Variants in ZNF654 observed in about 807,000 individuals in gnomAD.
The protein encoded by ZNF654 is melanoma-associated antigen.
Under a neutral mutation model 95.3 loss-of-function variants are expected in ZNF654, and 19 were observed. That is an observed-to-expected ratio of 0.20 (90% CI 0.14 to 0.29). The LOEUF is 0.29. ZNF654 is among the 10% of genes least tolerant of loss of function. The pLI, the probability that ZNF654 is intolerant of heterozygous loss-of-function variation, is 1.00. For synonymous variants in ZNF654, 413 were observed against 457.9 expected (o/e 0.90, Z 1.25); for missense variants, 1,046 against 1,341.0 (o/e 0.78, Z 3.44).
intron 3 of ZNF654, 40 bp from the exon 4 acceptor site, chr3:88,126,094 C>T: frequency 1.4e-6 from 2 of 1,421,762 alleles, no homozygotes; most frequent in Non-Finnish European, 9.2e-7. Context: ...GTTTTTAACC[C>T]CTTTAAATTC....
In ZNF654 at chr3:88,141,661, G is replaced by A; in HGVS notation, c.*9G>A. ...GTTTTACAGGTGCCTGATGAAAACG[G>A]TTCAGAAAGATCTGTCAATCAAGCA... is the stretch of plus-strand genomic sequence containing the variant. On this transcript the variant is annotated 3_prime_UTR_variant, in exon 9 of 9. Transcript: ENST00000636215. 3 of 1,503,004 alleles carry A rather than the reference G, an allele frequency of 2.0e-6. No individual in the cohort carries two copies. The highest frequency in any genetic ancestry group is 1.4e-5 in the African/African-American group (1 of 72,960). 93.1% of individuals were successfully genotyped at this position (1,503,004 alleles called of 1,614,324 possible). A position where few individuals can be genotyped will look rare whatever the true frequency, so the allele number is the denominator to read the frequency against.
Position 88,106,709 on chromosome 3 carries a change from A to G in ZNF654, c.333-6406A>G, listed in dbSNP as rs184646793. ...TGTTTAATGCTTTTTTAAGCTGTGT[A>G]GATTTTTAAAATGTAATTAAAATAT... On this transcript the variant is annotated intron_variant, in intron 2 of 8. Coordinates refer to ENST00000636215, the MANE Select transcript of ZNF654 (RefSeq NM_001350134.2). 3.0e-3 allele frequency among the ~76,000 whole-genome samples: 460 copies of G among 152,218 alleles called. 3 individuals are homozygous for G. The highest frequency in any genetic ancestry group is 9.9e-3 in the African/African-American group (410 of 41,532).
intron 1 of ZNF654, among the ~76,000 whole-genome samples, chr3:88,069,454 C>T (rs1707385283): frequency 6.6e-6 from 1 of 152,074 alleles, no homozygotes; most frequent in East Asian, 1.9e-4. Context: ...AACTCTTAGT[C>T]CACCCCCCAA....
chr3:88,070,857 A>G (rs1559689744), intron 1 of ZNF654, among the ~76,000 whole-genome samples: 1 of 152,212 alleles, frequency 6.6e-6, no homozygotes, highest in South Asian at 2.1e-4. Context: ...TAAGACACAC[A>G]GCTAGAAAAG....
chr3:88,061,869 A>G (rs370521135), intron 1 of ZNF654, among the ~76,000 whole-genome samples: 2 of 152,202 alleles, frequency 1.3e-5, no homozygotes, highest in Non-Finnish European at 2.9e-5. Flanking sequence ...GGTATGTGAC[A>G]GTTAACTAAG....
At position 88,140,826 on chromosome 3, in the gene ZNF654, C is replaced by T. The variant is rs1707082530; in HGVS notation, c.3157C>T (p.Pro1053Ser). The T allele has an allele frequency of 6.2e-7, 1 of 1,613,558 alleles. No individual in the cohort carries two copies. Among genetic ancestry groups the T allele is most frequent in the African/African-American group, 1.3e-5 (1 of 74,878 alleles). ...LTKPYVRPLP[P>S]SYLDERYLSM... ...AAAACCATACGTCAGACCATTGCCTCCCAGTTACCTTGATGAACGGTATCT... is the reference window on the plus strand; with the variant it reads ...AAAACCATACGTCAGACCATTGCCTTCCAGTTACCTTGATGAACGGTATCT... Residue 1053 changes from proline (P) to serine (S), a missense_variant, in exon 8 of 9, where the codon CCC becomes TCC. Coordinates refer to ENST00000636215, the MANE Select transcript of ZNF654 (RefSeq NM_001350134.2).
intron 1 of ZNF654, among the ~76,000 whole-genome samples, chr3:88,069,408 T>G (rs1707381795): frequency 6.6e-6 from 1 of 152,126 alleles, no homozygotes; most frequent in South Asian, 2.1e-4. Context: ...GGTGACAAAG[T>G]GAGACTCTGT....
intron 2 of ZNF654, among the ~76,000 whole-genome samples, chr3:88,102,270 C>T (rs1487532525): frequency 2.6e-5 from 4 of 152,088 alleles, no homozygotes; most frequent in African/African-American, 7.2e-5. Flanking sequence ...TTTTAGAAAC[C>T]ACTATTGTGT....
Position 88,129,735 on chromosome 3 carries a change from G to A in ZNF654, c.802G>A (p.Ala268Thr), listed in dbSNP as rs1706335440. Residue 268 changes from alanine to threonine, a missense_variant, in exon 6 of 9, where the codon GCT becomes ACT. Coordinates refer to ENST00000636215, the MANE Select transcript of ZNF654 (RefSeq NM_001350134.2). ...CKSGIDIICNAEKEGKTMLAL... is the reference protein window; with the variant it reads ...CKSGIDIICNTEKEGKTMLAL... ...GAGTGGAATTGATATCATCTGTAATGCTGAAAAAGAAGGCAAAACTATGTT... is the reference window on the plus strand; with the variant it reads ...GAGTGGAATTGATATCATCTGTAATACTGAAAAAGAAGGCAAAACTATGTT... 1 of 1,528,006 alleles carries A rather than the reference G, an allele frequency of 6.5e-7. No individual in the cohort carries two copies. Among genetic ancestry groups the A allele is most frequent in the Non-Finnish European group, 8.8e-7 (1 of 1,141,564 alleles). The allele number at this position is 1,528,006 out of a possible 1,614,324, so 94.7% of individuals were successfully genotyped here.
intron 2 of ZNF654, among the ~76,000 whole-genome samples, chr3:88,090,756 C>T (rs1031630782): frequency 6.6e-6 from 1 of 152,148 alleles, no homozygotes; most frequent in African/African-American, 2.4e-5. Context: ...TTATCTTTTA[C>T]ACCAGGGGTG....
intron 2 of ZNF654, among the ~76,000 whole-genome samples, chr3:88,093,330 G>C (rs911563400): frequency 1.3e-5 from 2 of 152,112 alleles, no homozygotes; most frequent in Non-Finnish European, 2.9e-5. Context: ...TTACATAAAA[G>C]AAAAGCAAAT....
At position 88,144,471 on chromosome 3, in the gene ZNF654, A is replaced by G. The variant is rs1707262533; in HGVS notation, c.*2819A>G. On this transcript the variant is annotated 3_prime_UTR_variant, in exon 9 of 9. Coordinates refer to ENST00000636215, the MANE Select transcript of ZNF654 (RefSeq NM_001350134.2). ...TTTTGGAGTTGTTAATATGTGAAAG[A>G]TATTACAGATTCAGCAAGAAAGGAA... 1.3e-5 allele frequency: 2 copies of G among 152,406 alleles called. No homozygotes were observed. Among genetic ancestry groups the G allele is most frequent in the African/African-American group, 4.8e-5 (2 of 41,444 alleles). The allele number at this position is 152,406 out of a possible 1,614,324, so 9.4% of individuals were successfully genotyped here.
At chr3:88,120,947 T>C (rs1186835051) in intron 3 of ZNF654, among the ~76,000 whole-genome samples, 1 of 152,028 alleles carries the variant, frequency 6.6e-6, no homozygotes, top group Admixed American at 6.6e-5. Flanking sequence ...TGATAGAAAA[T>C]TTTCTTGTCT....
intron 1 of ZNF654, among the ~76,000 whole-genome samples, chr3:88,079,381 A>G (rs1190652612): frequency 6.6e-6 from 1 of 152,124 alleles, no homozygotes; most frequent in Non-Finnish European, 1.5e-5. Context: ...CTAGGAAGAG[A>G]CTATAATAAA....
At chr3:88,071,637 A>AAAACAAAC (rs10624681) in intron 1 of ZNF654, among the ~76,000 whole-genome samples, 1 of 150,680 alleles carries the variant, frequency 6.6e-6, no homozygotes, top group Non-Finnish European at 1.5e-5. Context: ...CTCCATCTCA[A>AAAACAAAC]AAACAAACAA....
Position 88,138,687 on chromosome 3 carries a change from A to G in ZNF654, c.1036-18A>G. ...TTTGGAAAAAAAGTATTTAGCACTAATATTTTTCTTTTTACAGGTTGAAGA... is the reference window on the plus strand; with the variant it reads ...TTTGGAAAAAAAGTATTTAGCACTAGTATTTTTCTTTTTACAGGTTGAAGA... On this transcript the variant is annotated intron_variant, in intron 7 of 8. Coordinates refer to ENST00000636215, the MANE Select transcript of ZNF654 (RefSeq NM_001350134.2). 1 of 1,225,344 alleles carries G rather than the reference A, an allele frequency of 8.2e-7. No individual in the cohort carries two copies. The highest frequency in any genetic ancestry group is 1.6e-5 in the African/African-American group (1 of 64,382). 75.9% of individuals were successfully genotyped at this position (1,225,344 alleles called of 1,614,324 possible). A position where few individuals can be genotyped will look rare whatever the true frequency, so the allele number is the denominator to read the frequency against.
intron 2 of ZNF654, 46 bp from the exon 3 acceptor site, chr3:88,113,069 G>A (rs902378611): frequency 4.6e-6 from 6 of 1,290,418 alleles, no homozygotes; most frequent in African/African-American, 4.5e-5. Context: ...TTTAATTGGA[G>A]CAAAACTCAA....
At chr3:88,060,443 C>T (rs1463011411) in intron 1 of ZNF654, among the ~76,000 whole-genome samples, 1 of 152,146 alleles carries the variant, frequency 6.6e-6, no homozygotes, top group Non-Finnish European at 1.5e-5. Context: ...ACGGTTTGTT[C>T]CCATTCACAA....
chr3:88,119,042 C>A (rs1186833603), intron 3 of ZNF654, among the ~76,000 whole-genome samples: 1 of 149,316 alleles, frequency 6.7e-6, no homozygotes, highest in Non-Finnish European at 1.5e-5. Context: ...TGGGTATATA[C>A]CCAAAGGACT....
Sources: allele counts gnomAD v4.1 joint callset (sites outside exome capture counted in the v4.1 genomes callset), GRCh38; gene constraint gnomAD v4.1.1; transcripts MANE v1.5; gene names NCBI Gene and HGNC (gene_info 2026-07-23, HGNC 2026-07-21).